Variants in LRRC8B observed in about 807,000 individuals in gnomAD.
The protein encoded by LRRC8B is leucine rich repeat containing 8 VRAC subunit B.
LRRC8B carries 23 observed loss-of-function variants against 58.8 expected under a neutral mutation model. The observed-to-expected ratio is 0.39, with a 90% CI of 0.28 to 0.55. The LOEUF is 0.55. Among genes scored for constraint, LRRC8B ranks in the 20% least tolerant of loss-of-function variants. The pLI, the probability that LRRC8B is intolerant of heterozygous loss-of-function variation, is 0.62. For missense variants in LRRC8B, 694 were observed against 936.0 expected (o/e 0.74, Z 3.37); for synonymous variants, 359 against 374.1 (o/e 0.96, Z 0.47).
At chr1:89,591,889 G>A (rs184575003) in intron 5 of LRRC8B, among the ~76,000 whole-genome samples, 1 of 152,236 alleles carries the variant, frequency 6.6e-6, no homozygotes, top group African/African-American at 2.4e-5. Flanking sequence ...TATTATGGGG[G>A]GTAGGGAGCG....
chr1:89,548,169 A>G (rs968691452), intron 1 of LRRC8B, among the ~76,000 whole-genome samples: 1 of 152,258 alleles, frequency 6.6e-6, no homozygotes, highest in Non-Finnish European at 1.5e-5. Context: ...AGAGCACAAA[A>G]TAACTATATT....
Position 89,583,247 on chromosome 1 carries a change from A to T in LRRC8B, c.597A>T (p.Ile199=). The T allele has an allele frequency of 6.2e-7, 1 of 1,614,194 alleles. No homozygotes were observed. The highest frequency in any genetic ancestry group is 8.5e-7 in the Non-Finnish European group (1 of 1,180,018). The change falls in exon 5 of 6, where the codon ATA becomes ATT. Residue 199 remains isoleucine (I), a synonymous_variant. Coordinates refer to ENST00000330947, the MANE Select transcript of LRRC8B (RefSeq NM_001369817.2). This position sits in a 1 kb window ranked among gnomAD's most constrained non-coding sequence, Gnocchi z 5.2. ...CGTCCTCAGGGTGTTCAGCTGACAT[A>T]GATTCCGGCAAACAGTCATTGCCCT... ...LLSSSGCSAD[I]DSGKQSLPYP...
chr1:89,557,054 T>C (rs1652246256), intron 1 of LRRC8B, among the ~76,000 whole-genome samples: 1 of 152,224 alleles, frequency 6.6e-6, no homozygotes, highest in Non-Finnish European at 1.5e-5. Flanking sequence ...AAATCCCCAG[T>C]TGACAGACAT....
At chr1:89,592,683 GTT>G (rs34096201) in intron 5 of LRRC8B, 86 bp from the exon 6 acceptor site, 217 of 939,132 alleles carry the variant, frequency 2.3e-4, no homozygotes, top group Non-Finnish European at 2.8e-4. Context: ...GAAATGTTTT[GTT>G]TTTTTTTTTT....
chr1:89,572,251 T>G (rs1653526355), intron 3 of LRRC8B, among the ~76,000 whole-genome samples: 1 of 152,224 alleles, frequency 6.6e-6, no homozygotes. Flanking sequence ...CGACCTGACC[T>G]TTCTGTCTAG....
rs61801423 is a variant in LRRC8B at position 89,581,299 on chromosome 1, G to T, written c.-26-1326G>T. On this transcript the variant is annotated intron_variant, in intron 4 of 5. Transcript: ENST00000330947. ...AAAAAAAAAAAAAAAAAAAAAAAAG[G>T]CTTCCTTGGGGATGCTACTAATACT... 1.5e-4 allele frequency among the ~76,000 whole-genome samples: 21 copies of T among 137,760 alleles called. No individual in the cohort carries two copies. The Admixed American group carries it at 1.6e-3, about 10-fold the overall frequency. 90.4% of individuals were successfully genotyped at this position (137,760 alleles called of 152,430 possible).
intron 1 of LRRC8B, among the ~76,000 whole-genome samples, chr1:89,534,361 A>G (rs1413019372): frequency 6.6e-6 from 1 of 152,216 alleles, no homozygotes; most frequent in Non-Finnish European, 1.5e-5. Context: ...TCATCCGTTT[A>G]AGAAACGTAT....
chr1:89,548,506 T>C (rs1651574803), intron 1 of LRRC8B, among the ~76,000 whole-genome samples: 1 of 152,200 alleles, frequency 6.6e-6, no homozygotes, highest in Admixed American at 6.5e-5. Flanking sequence ...TTCTGTCTTA[T>C]AATATTAAGT....
rs957893963 is a variant in LRRC8B at position 89,568,424 on chromosome 1, G to A, written c.-179-15G>A. The stretch of plus-strand genomic sequence containing the variant: ...ATGCGTAAAATATAATAATATGCTT[G>A]TGATTTCTCCTTAGGAATTTTTCAA... On this transcript the variant is annotated splice_polypyrimidine_tract_variant and intron_variant, in intron 2 of 5. Coordinates refer to ENST00000330947, the MANE Select transcript of LRRC8B (RefSeq NM_001369817.2). The A allele has an allele frequency of 1.3e-5, 2 of 152,076 alleles. No individual in the cohort carries two copies. The highest frequency in any genetic ancestry group is 2.9e-5 in the Non-Finnish European group (2 of 67,976). The allele number at this position is 152,076 out of a possible 1,614,324, so 9.4% of individuals were successfully genotyped here.
chr1:89,561,217 C>A (rs1652624519), intron 1 of LRRC8B, among the ~76,000 whole-genome samples: 1 of 151,082 alleles, frequency 6.6e-6, no homozygotes, highest in Non-Finnish European at 1.5e-5. Flanking sequence ...GTCCTTCGCC[C>A]ACTTTTTGAT....
chr1:89,530,694 A>G (rs925318537), intron 1 of LRRC8B, among the ~76,000 whole-genome samples: 2 of 152,226 alleles, frequency 1.3e-5, no homozygotes, highest in African/African-American at 4.8e-5. Context: ...GATGGGAAGT[A>G]TGAGCAGTGT....
intron 1 of LRRC8B, among the ~76,000 whole-genome samples, chr1:89,560,848 C>T (rs375084226): frequency 7.2e-5 from 11 of 152,108 alleles, no homozygotes; most frequent in African/African-American, 1.7e-4. Context: ...AATAAACATA[C>T]GTGTGCATGT....
chr1:89,543,499 A>ATT (rs879506629), intron 1 of LRRC8B, among the ~76,000 whole-genome samples: 5 of 145,242 alleles, frequency 3.4e-5, no homozygotes, highest in African/African-American at 1.3e-4. Flanking sequence ...TGAAAAACTG[A>ATT]TTTTTTTTTT....
intron 1 of LRRC8B, among the ~76,000 whole-genome samples, chr1:89,563,744 A>T (rs1419071137): frequency 6.6e-6 from 1 of 152,204 alleles, no homozygotes; most frequent in African/African-American, 2.4e-5. Flanking sequence ...TAAGCATTTG[A>T]ATTGTAGTTG....
chr1:89,550,896 A>T (rs956993540), intron 1 of LRRC8B, among the ~76,000 whole-genome samples: 1 of 151,974 alleles, frequency 6.6e-6, no homozygotes, highest in Admixed American at 6.6e-5. Flanking sequence ...GCCCCATTGT[A>T]TCTCTCATGC....
intron 1 of LRRC8B, among the ~76,000 whole-genome samples, chr1:89,558,482 C>T (rs1652357160): frequency 6.6e-6 from 1 of 152,032 alleles, no homozygotes; most frequent in Non-Finnish European, 1.5e-5. Flanking sequence ...CTAAGGAGGG[C>T]AAGAAAGGAG....
chr1:89,527,004 G>C (rs1306621841), intron 1 of LRRC8B: 1 of 152,030 alleles, frequency 6.6e-6, no homozygotes, highest in Non-Finnish European at 1.5e-5. Flanking sequence ...AAATGAAAAG[G>C]GGCTTAATAA....
chr1:89,582,810 T>A lies in LRRC8B; in HGVS notation c.160T>A (p.Cys54Ser). Reference sequence around the variant, plus strand: ...CCAGCTGACGCAGAGCAGGGTTCTGTGCTGTCTTCCATGCAAAGTGGAATT... The same window carrying A: ...CCAGCTGACGCAGAGCAGGGTTCTGAGCTGTCTTCCATGCAAAGTGGAATT... ...ALQLTQSRVL[C>S]CLPCKVEFDN... Residue 54 changes from cysteine to serine, a missense_variant, in exon 5 of 6, where the codon TGC (cysteine) becomes AGC (serine). This residue lies in a region of LRRC8B where 316 missense variants were observed against 403.8 expected (regional missense o/e 0.78). Coordinates refer to ENST00000330947, the MANE Select transcript of LRRC8B (RefSeq NM_001369817.2). 1 of 1,614,212 alleles carries A rather than the reference T, an allele frequency of 6.2e-7. No homozygotes were observed. The highest frequency in any genetic ancestry group is 8.5e-7 in the Non-Finnish European group (1 of 1,180,026).
chr1:89,558,140 G>A (rs996953877), intron 1 of LRRC8B, among the ~76,000 whole-genome samples: 1 of 152,190 alleles, frequency 6.6e-6, no homozygotes, highest in African/African-American at 2.4e-5. Flanking sequence ...GTGAGGCTGA[G>A]TGAGTGCCCA....
Sources: gnomAD v4.1 joint callset for allele counts (sites outside exome capture counted in the v4.1 genomes callset) on GRCh38, gnomAD v4.1.1 for gene constraint, gnomAD v4.1.1 regional missense constraint, Gnocchi (gnomAD v3.1) non-coding constraint, MANE v1.5 for transcripts, NCBI Gene and HGNC (gene_info 2026-07-23, HGNC 2026-07-21) for gene names.